The following PAPPA variants were observed in gnomAD, a reference collection of about 807,000 sequenced individuals.
PAPPA encodes the protein pappalysin-1.
A neutral mutation model predicts 164.0 loss-of-function variants in PAPPA; 60 were observed. The ratio of observed to expected loss-of-function variants is 0.37; its 90% CI spans 0.30 to 0.45. The LOEUF (loss-of-function observed/expected upper bound fraction) is 0.45, where lower values mean the gene tolerates loss of function less well. PAPPA is among the 20% of genes least tolerant of loss of function. PAPPA has a pLI of 1.00. For synonymous variants in PAPPA, 875 were observed against 814.1 expected (o/e 1.07, Z -1.27); for missense variants, 1,782 against 2,087.3 (o/e 0.85, Z 2.85).
intron 7 of PAPPA, among the ~76,000 whole-genome samples, chr9:116,252,424 T>A (rs1013254428): frequency 6.6e-6 from 1 of 151,606 alleles, no homozygotes; most frequent in Non-Finnish European, 1.5e-5. Context: ...CAAAAGGCCA[T>A]TTTCCCAAAG....
At chr9:116,220,172 T>C in intron 5 of PAPPA, 43 bp downstream of exon 5, 1 of 1,434,920 alleles carries the variant, frequency 7.0e-7, no homozygotes, top group Non-Finnish European at 9.5e-7. Flanking sequence ...CTCTCTCTCC[T>C]GCCAAGAAGA....
intron 17 of PAPPA, among the ~76,000 whole-genome samples, chr9:116,357,026 G>C (rs1021999905): frequency 3.9e-5 from 6 of 152,194 alleles, no homozygotes; most frequent in African/African-American, 1.4e-4. Context: ...ATGTGGAGTA[G>C]AGAGACCAGC....
chr9:116,162,457 C>T (rs899685449), intron 1 of PAPPA, among the ~76,000 whole-genome samples: 2 of 152,158 alleles, frequency 1.3e-5, no homozygotes, highest in African/African-American at 4.8e-5. Context: ...CAGTGACCTG[C>T]AGGAGCATAT....
chr9:116,355,319 T>C (rs1321084824), intron 17 of PAPPA, among the ~76,000 whole-genome samples: 1 of 152,180 alleles, frequency 6.6e-6, no homozygotes, highest in Non-Finnish European at 1.5e-5. Flanking sequence ...CTTTTACAGA[T>C]GAGAAAACCA....
intron 4 of PAPPA, 70 bp downstream of exon 4, chr9:116,212,002 G>A (rs1021712837): frequency 2.2e-6 from 3 of 1,358,666 alleles, no homozygotes; most frequent in Non-Finnish European, 3.1e-6. Flanking sequence ...TGGCTCAGGG[G>A]AACCTTGAAC....
intron 10 of PAPPA, among the ~76,000 whole-genome samples, chr9:116,314,164 C>T (rs1845758912): frequency 1.4e-5 from 2 of 147,632 alleles, no homozygotes; most frequent in African/African-American, 5.0e-5. Context: ...CTCCACCTCC[C>T]AGGTTTTTCA....
In PAPPA at chr9:116,309,341, G is replaced by T. The variant is rs146846821; in HGVS notation, c.3147+6391G>T. On this transcript the variant is annotated intron_variant, in intron 10 of 21. Transcript: ENST00000328252. ...TCCATCTTCCTCAGCCTCCCAAAGT[G>T]CTGGGATTACAGGTGTGACCCACTG... is the stretch of plus-strand genomic sequence containing the variant. Among the ~76,000 whole-genome samples, 1,438 of 152,268 alleles carry T rather than the reference G, an allele frequency of 9.4e-3. 15 individuals carry two copies. The highest frequency in any genetic ancestry group is 0.036 in the South Asian group (174 of 4,826).
intron 1 of PAPPA, among the ~76,000 whole-genome samples, chr9:116,164,834 G>T (rs995615213): frequency 1.3e-5 from 2 of 152,146 alleles, no homozygotes; most frequent in Admixed American, 1.3e-4. Context: ...AAGATGCAAG[G>T]CACCCAGGCA....
chr9:116,315,965 A>ACCAC (rs1402955034), intron 10 of PAPPA, among the ~76,000 whole-genome samples: 2 of 152,186 alleles, frequency 1.3e-5, no homozygotes, highest in Non-Finnish European at 1.5e-5. Flanking sequence ...AAACCTGTCA[A>ACCAC]CCACTGTATG....
intron 2 of PAPPA, among the ~76,000 whole-genome samples, chr9:116,206,268 G>A (rs995357545): frequency 3.3e-5 from 5 of 152,150 alleles, no homozygotes; most frequent in African/African-American, 1.2e-4. Context: ...GTGAAAACAT[G>A]TACAAATTAT....
At chr9:116,365,421 C>A (rs1846487120) in intron 18 of PAPPA, among the ~76,000 whole-genome samples, 1 of 152,110 alleles carries the variant, frequency 6.6e-6, no homozygotes, top group South Asian at 2.1e-4. Context: ...TATATCACAA[C>A]ACAGCAGCCT....
intron 4 of PAPPA, among the ~76,000 whole-genome samples, chr9:116,219,102 C>T (rs182026592): frequency 1.3e-5 from 2 of 152,324 alleles, no homozygotes; most frequent in African/African-American, 4.8e-5. Flanking sequence ...TGCAATCCCT[C>T]TCCTTTCTTT....
intron 2 of PAPPA, among the ~76,000 whole-genome samples, chr9:116,204,483 T>C (rs1047738955): frequency 6.6e-6 from 1 of 152,176 alleles, no homozygotes; most frequent in African/African-American, 2.4e-5. Context: ...GGTACAATCA[T>C]AGCTCACTGC....
Position 116,402,092 on chromosome 9 carries a change from T to C in PAPPA, c.*5476T>C, listed in dbSNP as rs1847066158. On this transcript the variant is annotated 3_prime_UTR_variant, in exon 22 of 22. Coordinates refer to ENST00000328252, the MANE Select transcript of PAPPA (RefSeq NM_002581.5). ...TTTTAATTTATATTTACACAATTGT[T>C]CATCTAATTTATTTTTTCTATACAG... The C allele has an allele frequency of 6.6e-6, 1 of 152,528 alleles. No individual in the cohort carries two copies. The allele number at this position is 152,528 out of a possible 1,614,324, so 9.4% of individuals were successfully genotyped here. A position where few individuals can be genotyped will look rare whatever the true frequency, so the allele number is the denominator to read the frequency against.
At chr9:116,351,379 G>C (rs943132256) in intron 15 of PAPPA, among the ~76,000 whole-genome samples, 1 of 152,214 alleles carries the variant, frequency 6.6e-6, no homozygotes, top group African/African-American at 2.4e-5. Context: ...AGAAAGGAAA[G>C]GAGGGAAGAA....
chr9:116,190,988 T>C (rs1479002219), intron 2 of PAPPA, among the ~76,000 whole-genome samples: 2 of 151,882 alleles, frequency 1.3e-5, no homozygotes, highest in African/African-American at 2.4e-5. Context: ...TGCAGATAAA[T>C]TTTTGCTTTG....
At chr9:116,171,292 G>A (rs887675120) in intron 1 of PAPPA, among the ~76,000 whole-genome samples, 1 of 152,192 alleles carries the variant, frequency 6.6e-6, no homozygotes, top group African/African-American at 2.4e-5. Flanking sequence ...GCCTCTGGAT[G>A]TATGATGTAG....
At chr9:116,167,890 A>C (rs1434831251) in intron 1 of PAPPA, among the ~76,000 whole-genome samples, 1 of 152,212 alleles carries the variant, frequency 6.6e-6, no homozygotes, top group Non-Finnish European at 1.5e-5. Flanking sequence ...AAATCTGCTC[A>C]GTTTACTGAC....
intron 1 of PAPPA, among the ~76,000 whole-genome samples, chr9:116,170,367 T>G (rs1000468042): frequency 6.6e-6 from 1 of 152,330 alleles, no homozygotes; most frequent in South Asian, 2.1e-4. Context: ...AGAATTAGTT[T>G]ATTTCTTAGA....
Sources: allele counts gnomAD v4.1 joint callset (sites outside exome capture counted in the v4.1 genomes callset), GRCh38; gene constraint gnomAD v4.1.1; transcripts MANE v1.5; gene names NCBI Gene and HGNC (gene_info 2026-07-23, HGNC 2026-07-21).